The following ST8SIA4 variants were observed in gnomAD, a reference collection of about 807,000 sequenced individuals.
ST8SIA4 encodes the protein CMP-N-acetylneuraminate-poly-alpha-2,8-sialyltransferase.
Under a neutral mutation model 33.9 loss-of-function variants are expected in ST8SIA4, and 15 were observed. The ratio of observed to expected loss-of-function variants is 0.44; its 90% confidence interval spans 0.30 to 0.68. ST8SIA4 has a LOEUF of 0.68. ST8SIA4 is among the 30% of genes least tolerant of loss of function. The pLI is 0.10. For synonymous variants in ST8SIA4, 171 were observed against 151.2 expected (o/e 1.13, Z -0.96); for missense variants, 321 against 428.0 (o/e 0.75, Z 2.21).
chr5:100,820,949 C>T (rs1430287059), intron 4 of ST8SIA4, among the ~76,000 whole-genome samples: 1 of 151,926 alleles, frequency 6.6e-6, no homozygotes, highest in Non-Finnish European at 1.5e-5. Context: ...TCTTTTAATC[C>T]ATTACTATTT....
chr5:100,871,368 A>G (rs1313465369), intron 3 of ST8SIA4, among the ~76,000 whole-genome samples: 2 of 152,106 alleles, frequency 1.3e-5, no homozygotes, highest in Non-Finnish European at 2.9e-5. Context: ...TTAGGAATAT[A>G]GATTATCATT....
intron 3 of ST8SIA4, among the ~76,000 whole-genome samples, chr5:100,878,367 G>C (rs1752348717): frequency 6.6e-6 from 1 of 151,934 alleles, no homozygotes; most frequent in Admixed American, 6.6e-5. Flanking sequence ...AGTAGAGATG[G>C]GGTTTCTCCA....
At chr5:100,820,828 T>C (rs1751018090) in intron 4 of ST8SIA4, among the ~76,000 whole-genome samples, 3 of 152,186 alleles carry the variant, frequency 2.0e-5, no homozygotes, top group Admixed American at 6.5e-5. Context: ...CTGCATTTAG[T>C]AAAATATCTT....
intron 3 of ST8SIA4, among the ~76,000 whole-genome samples, chr5:100,879,708 A>G (rs1752376568): frequency 6.6e-6 from 1 of 152,196 alleles, no homozygotes; most frequent in South Asian, 2.1e-4. Flanking sequence ...TAAGTTTAAA[A>G]ATATGTTAAT....
intron 4 of ST8SIA4, among the ~76,000 whole-genome samples, chr5:100,819,732 G>C (rs1750999912): frequency 6.6e-6 from 1 of 152,172 alleles, no homozygotes; most frequent in Non-Finnish European, 1.5e-5. Flanking sequence ...TTTGTGAAGA[G>C]AGAAAATGGA....
At chr5:100,843,373 C>T (rs1459246383) in intron 4 of ST8SIA4, among the ~76,000 whole-genome samples, 2 of 151,766 alleles carry the variant, frequency 1.3e-5, no homozygotes, top group Non-Finnish European at 3.0e-5. Context: ...AATAAGGTAG[C>T]AACTGCCAGC....
chr5:100,902,738 C>T lies in ST8SIA4; in HGVS notation c.113+105G>A, dbSNP rs978487467. ...TCATGACACTAACCACGCGCAAGCT[C>T]AAACAAACACACATGCTATCCTAAC... On this transcript the variant is annotated intron_variant, in intron 1 of 4. Coordinates refer to ENST00000231461, the MANE Select transcript of ST8SIA4 (RefSeq NM_005668.6). 4 of 1,007,676 alleles carry T rather than the reference C, an allele frequency of 4.0e-6. No individual in the cohort carries two copies. The African/African-American group carries it at 6.4e-5, about 16-fold the overall frequency. The allele number at this position is 1,007,676 out of a possible 1,614,324, so 62.4% of individuals were successfully genotyped here.
Position 100,886,561 on chromosome 5 carries a change from C to T in ST8SIA4, c.285G>A (p.Val95=), listed in dbSNP as rs1752542489. 2 of 1,613,810 alleles carry T rather than the reference C, an allele frequency of 1.2e-6. No homozygotes were observed. The highest frequency in any genetic ancestry group is 1.7e-6 in the Non-Finnish European group (2 of 1,179,758). Residue 95 remains valine (V), a synonymous_variant, in exon 3 of 5, where the codon GTG becomes GTA. Coordinates refer to ENST00000231461, the MANE Select transcript of ST8SIA4 (RefSeq NM_005668.6). ...ILRFLDAERD[V]SVVKSSFKPG... The stretch of plus-strand genomic sequence containing the variant: ...GCTTAAAACTGCTCTTGACCACTGA[C>T]ACATCTCGTTCTGCATCTAAGAAAC...
chr5:100,831,709 T>C (rs1425006838), intron 4 of ST8SIA4, among the ~76,000 whole-genome samples: 2 of 152,178 alleles, frequency 1.3e-5, no homozygotes, highest in East Asian at 3.9e-4. Context: ...CCACTGAAAT[T>C]ATTGTCCATC....
chr5:100,902,600 G>A (rs1752944956), intron 1 of ST8SIA4, among the ~76,000 whole-genome samples: 1 of 152,156 alleles, frequency 6.6e-6, no homozygotes, highest in South Asian at 2.1e-4. Context: ...TTTGGCGAGA[G>A]AGCACCCAGG....
chr5:100,871,404 C>T (rs1229338633), intron 3 of ST8SIA4, among the ~76,000 whole-genome samples: 2 of 151,852 alleles, frequency 1.3e-5, no homozygotes, highest in Non-Finnish European at 2.9e-5. Flanking sequence ...ACCATATTAC[C>T]TTAGTTTTCT....
chr5:100,871,162 A>G (rs1398458000), intron 3 of ST8SIA4, among the ~76,000 whole-genome samples: 1 of 151,916 alleles, frequency 6.6e-6, no homozygotes, highest in Non-Finnish European at 1.5e-5. Context: ...GAAAAATAAG[A>G]TATTTTTTTT....
At chr5:100,865,506 T>C (rs1752042200) in intron 3 of ST8SIA4, among the ~76,000 whole-genome samples, 1 of 152,202 alleles carries the variant, frequency 6.6e-6, no homozygotes, top group African/African-American at 2.4e-5. Context: ...GAAATCTTTA[T>C]CTTCAACTCT....
chr5:100,826,674 A>G (rs2544913), intron 4 of ST8SIA4, among the ~76,000 whole-genome samples: 88,221 of 151,874 alleles, frequency 0.58, 26,345 homozygotes, highest in South Asian at 0.74. Context: ...TACTTGTTAA[A>G]TTAATGAATT....
chr5:100,892,945 T>G (rs1285439398), intron 2 of ST8SIA4, among the ~76,000 whole-genome samples: 1 of 152,010 alleles, frequency 6.6e-6, no homozygotes, highest in African/African-American at 2.4e-5. Context: ...ATGGCACATA[T>G]GTACCTGTGT....
At chr5:100,841,173 C>G (rs1380126036) in intron 4 of ST8SIA4, among the ~76,000 whole-genome samples, 2 of 151,866 alleles carry the variant, frequency 1.3e-5, no homozygotes, top group African/African-American at 4.8e-5. Context: ...TAGCTGTTTA[C>G]TCTTATTGCC....
At chr5:100,870,816 A>G (rs945953330) in intron 3 of ST8SIA4, among the ~76,000 whole-genome samples, 4 of 152,136 alleles carry the variant, frequency 2.6e-5, no homozygotes, top group African/African-American at 9.6e-5. Flanking sequence ...TACATATAAC[A>G]TAAATTTTGC....
chr5:100,892,638 G>A (rs538553706), intron 2 of ST8SIA4, among the ~76,000 whole-genome samples: 22 of 151,874 alleles, frequency 1.4e-4, no homozygotes, highest in Non-Finnish European at 2.2e-4. Context: ...TTTATTATGC[G>A]GACAATTATT....
chr5:100,825,825 T>C (rs1001255104), intron 4 of ST8SIA4, among the ~76,000 whole-genome samples: 4 of 152,224 alleles, frequency 2.6e-5, no homozygotes, highest in African/African-American at 9.6e-5. Context: ...CTGTAGCTTG[T>C]AGAGAGATTA....
Sources: gnomAD v4.1 joint callset for allele counts (sites outside exome capture counted in the v4.1 genomes callset) on GRCh38, gnomAD v4.1.1 for gene constraint, MANE v1.5 for transcripts, NCBI Gene and HGNC (gene_info 2026-07-23, HGNC 2026-07-21) for gene names.